FMN1: variants seen among roughly 807,000 people sequenced by gnomAD.
FMN1 encodes the protein formin-1.
A neutral mutation model predicts 132.4 loss-of-function variants in FMN1; 110 were observed. The ratio of observed to expected loss-of-function variants is 0.83; its 90% CI spans 0.71 to 0.97. The LOEUF is 0.97. Ranked by LOEUF, FMN1 falls within the 50% of genes least tolerant of loss-of-function variation. The pLI is 0.00. For missense variants in FMN1, 1,792 were observed against 1,705.3 expected (o/e 1.05, Z -0.90); for synonymous variants, 722 against 651.7 (o/e 1.11, Z -1.64).
At chr15:32,945,056 G>A (rs2061480225) in intron 9 of FMN1, among the ~76,000 whole-genome samples, 1 of 152,014 alleles carries the variant, frequency 6.6e-6, no homozygotes, top group African/African-American at 2.4e-5. Flanking sequence ...GTGACAGTTT[G>A]TTAAATTAGC....
intron 15 of FMN1, among the ~76,000 whole-genome samples, chr15:32,893,053 A>G (rs2060069936): frequency 6.6e-6 from 1 of 152,154 alleles, no homozygotes; most frequent in South Asian, 2.1e-4. Context: ...GGAGACATCT[A>G]ATTTATCACT....
At chr15:32,930,720 T>TGGG (rs370256753) in intron 9 of FMN1, among the ~76,000 whole-genome samples, 18 of 149,790 alleles carry the variant, frequency 1.2e-4, no homozygotes, top group African/African-American at 4.2e-4. Flanking sequence ...TTGCTTTTTT[T>TGGG]GGGGGGGGGC....
At chr15:33,009,116 G>A (rs1398309835) in intron 6 of FMN1, among the ~76,000 whole-genome samples, 1 of 152,198 alleles carries the variant, frequency 6.6e-6, no homozygotes, top group Non-Finnish European at 1.5e-5. Context: ...TTGTGGGGAA[G>A]GTGCTCCACT....
rs954925919 is a variant in FMN1, at chr15:33,088,903, C to T, written c.1939G>A (p.Gly647Arg). Residue 647 changes from glycine to arginine, a missense_variant, in exon 5 of 21, where the codon GGA becomes AGA. Transcript: ENST00000616417. ...CTGTAGCCCAGAACCCACGCGCCTC[C>T]ATCTCTGTTGGGAAGGTCTTTAGGT... ...QTPKDLPNRD[G>R]GAWVLGYRAG... is the part of the protein sequence containing the mutation. The T allele has an allele frequency of 1.3e-6, 2 of 1,535,976 alleles. No individual in the cohort carries two copies. Among genetic ancestry groups the T allele is most frequent in the Non-Finnish European group, 1.7e-6 (2 of 1,146,848 alleles).
At chr15:32,920,926 A>T (rs927219662) in intron 10 of FMN1, among the ~76,000 whole-genome samples, 1 of 152,142 alleles carries the variant, frequency 6.6e-6, no homozygotes, top group Admixed American at 6.5e-5. Flanking sequence ...CTTCTAAAGG[A>T]TTTCTCCACC....
intron 7 of FMN1, among the ~76,000 whole-genome samples, chr15:32,998,705 G>T (rs2033921654): frequency 6.6e-6 from 1 of 152,100 alleles, no homozygotes; most frequent in Non-Finnish European, 1.5e-5. Context: ...AAAAACTTTT[G>T]CAATAAAAAG....
intron 17 of FMN1, among the ~76,000 whole-genome samples, chr15:32,826,050 A>C (rs2058356885): frequency 6.6e-6 from 1 of 152,258 alleles, no homozygotes; most frequent in South Asian, 2.1e-4. Flanking sequence ...TGTTTGGATA[A>C]CAAAACTCGA....
At chr15:33,193,341 G>T (rs1966143886) in intron 2 of FMN1, among the ~76,000 whole-genome samples, 1 of 152,192 alleles carries the variant, frequency 6.6e-6, no homozygotes, top group Admixed American at 6.5e-5. Flanking sequence ...AGCAACGGCT[G>T]TTGAATCCCA....
intron 9 of FMN1, among the ~76,000 whole-genome samples, chr15:32,929,448 C>T (rs2061049074): frequency 6.6e-6 from 1 of 152,116 alleles, no homozygotes; most frequent in African/African-American, 2.4e-5. Context: ...AAGTGCACAA[C>T]ATGAAATGTA....
chr15:32,859,192 C>T (rs2059207414), intron 16 of FMN1, among the ~76,000 whole-genome samples: 1 of 152,068 alleles, frequency 6.6e-6, no homozygotes. Flanking sequence ...CTTAAGTTTT[C>T]TCTAGTCTCT....
intron 5 of FMN1, among the ~76,000 whole-genome samples, chr15:33,076,567 G>A (rs1031491996): frequency 6.6e-6 from 1 of 152,162 alleles, no homozygotes; most frequent in Non-Finnish European, 1.5e-5. Flanking sequence ...CATGCATGCT[G>A]TTCCAAGTAG....
At chr15:33,035,691 C>T (rs1323203389) in intron 6 of FMN1, among the ~76,000 whole-genome samples, 3 of 152,192 alleles carry the variant, frequency 2.0e-5, no homozygotes, top group African/African-American at 7.2e-5. Flanking sequence ...CAATCCCCTG[C>T]AGCCTCTTTT....
intron 15 of FMN1, among the ~76,000 whole-genome samples, chr15:32,896,946 T>A (rs2060174032): frequency 6.6e-6 from 1 of 152,328 alleles, no homozygotes; most frequent in East Asian, 1.9e-4. Flanking sequence ...GATTGTCTGA[T>A]CATATGGTAG....
At chr15:33,094,015 C>T (rs1325745377) in intron 4 of FMN1, among the ~76,000 whole-genome samples, 1 of 152,162 alleles carries the variant, frequency 6.6e-6, no homozygotes, top group Non-Finnish European at 1.5e-5. Context: ...AAAGGCAGAA[C>T]TAAAATCTAA....
chr15:33,127,810 T>C (rs542642221), intron 4 of FMN1, among the ~76,000 whole-genome samples: 1 of 152,296 alleles, frequency 6.6e-6, no homozygotes, highest in South Asian at 2.1e-4. Flanking sequence ...ACATCCAAGA[T>C]CTCATTCCTC....
At position 33,088,963 on chromosome 15, in the gene FMN1, CAG is replaced by C. The variant is rs1220130675; in HGVS notation, c.1877_1878del (p.Ser626Ter). 3.9e-6 allele frequency: 6 copies of C among 1,534,526 alleles called. 1 individual carries two copies. The South Asian group carries it at 7.2e-5, about 18-fold the overall frequency. ...PQHQSPPGISSEGFPWDGFNE... is the reference protein window; with the variant it reads ...PQHQSPPGISXEGFPWDGFNE... ...TTGAAGCCGTCCCAGGGAAAGCCCTCAGAGGAGATACCTAAACAAACACAGAG... is the reference window on the plus strand; with the variant it reads ...TTGAAGCCGTCCCAGGGAAAGCCCTCAGGAGATACCTAAACAAACACAGAG... On this transcript the variant is annotated frameshift_variant, in exon 5 of 21. Coordinates refer to ENST00000616417, the MANE Select transcript of FMN1 (RefSeq NM_001277313.2). LOFTEE classifies it high-confidence loss of function.
chr15:33,012,471 T>C, intron 6 of FMN1: 2 of 1,127,778 alleles, frequency 1.8e-6, no homozygotes, highest in Non-Finnish European at 2.7e-6. Flanking sequence ...CAGAAGAACA[T>C]CACCTAAGAG....
intron 15 of FMN1, among the ~76,000 whole-genome samples, chr15:32,893,595 C>G (rs2060084646): frequency 6.6e-6 from 1 of 152,218 alleles, no homozygotes; most frequent in African/African-American, 2.4e-5. Context: ...TGCTCATCAC[C>G]ACTAACCAAA....
chr15:32,970,040 A>G (rs1396644409), intron 7 of FMN1, among the ~76,000 whole-genome samples: 5 of 152,222 alleles, frequency 3.3e-5, no homozygotes, highest in African/African-American at 4.8e-5. Context: ...CAAGATCAGT[A>G]TTTGTGTCTG....
Sources: gnomAD v4.1 joint callset for allele counts (sites outside exome capture counted in the v4.1 genomes callset) on GRCh38, gnomAD v4.1.1 for gene constraint, MANE v1.5 for transcripts, NCBI Gene and HGNC (gene_info 2026-07-23, HGNC 2026-07-21) for gene names.